Variants in TIGAR observed in about 807,000 individuals in gnomAD.
TIGAR encodes TP53 induced glycolysis regulatory phosphatase, also known as fructose-2,6-bisphosphatase TIGAR.
Under a neutral mutation model 17.9 loss-of-function variants are expected in TIGAR, and 7 were observed. The observed-to-expected ratio is 0.39, with a 90% CI of 0.22 to 0.73. The LOEUF (loss-of-function observed/expected upper bound fraction) is 0.73. TIGAR is among the 30% of genes least tolerant of loss of function. The pLI, the probability that TIGAR is intolerant of heterozygous loss-of-function variation, is 0.42. For synonymous variants in TIGAR, 94 were observed against 108.6 expected (o/e 0.87, Z 0.84); for missense variants, 258 against 327.4 (o/e 0.79, Z 1.64).
At chr12:4,337,234 T>C (rs1864669987) in intron 3 of TIGAR, 74 bp downstream of exon 3, 1 of 1,116,620 alleles carries the variant, frequency 9.0e-7, no homozygotes, top group Non-Finnish European at 1.3e-6. Flanking sequence ...TGGTGCAGTC[T>C]CTGTTCACTG....
intron 1 of TIGAR, among the ~76,000 whole-genome samples, chr12:4,322,421 C>G (rs180834958): frequency 6.6e-6 from 1 of 152,098 alleles, no homozygotes; most frequent in Non-Finnish European, 1.5e-5. Context: ...TACTTTAATG[C>G]GAGAATTAAA....
At chr12:4,327,859 G>A (rs1864563485) in intron 1 of TIGAR, among the ~76,000 whole-genome samples, 1 of 151,994 alleles carries the variant, frequency 6.6e-6, no homozygotes, top group Non-Finnish European at 1.5e-5. Context: ...GTAGAGACGG[G>A]GTTTCACCAT....
At position 4,357,524 on chromosome 12, in the gene TIGAR, C is replaced by T. The variant is rs150458428; in HGVS notation, c.*4833C>T. 1.3e-5 allele frequency among the ~76,000 whole-genome samples: 2 copies of T among 152,124 alleles called. No homozygotes were observed. Among genetic ancestry groups the T allele is most frequent in the Non-Finnish European group, 2.9e-5 (2 of 68,016 alleles). On this transcript the variant is annotated 3_prime_UTR_variant, in exon 6 of 6. Transcript: ENST00000179259. ...TGCTTTTTACCCCTCTTTCTTTGGG[C>T]CCCATCAATTTGGAAGTACAGCTTT... is the stretch of plus-strand genomic sequence containing the variant.
At chr12:4,341,271 A>C (rs1864716802) in intron 3 of TIGAR, among the ~76,000 whole-genome samples, 1 of 79,612 alleles carries the variant, frequency 1.3e-5, no homozygotes. Context: ...ACAAATGACA[A>C]AGAGAGGGGG....
At chr12:4,323,102 C>CA (rs574120048) in intron 1 of TIGAR, among the ~76,000 whole-genome samples, 2,405 of 90,890 alleles carry the variant, frequency 0.026, 54 homozygotes, top group African/African-American at 0.07. Flanking sequence ...CTCCTCTCTA[C>CA]AAAAAAAAAA....
intron 1 of TIGAR, chr12:4,324,528 C>G: frequency 6.2e-7 from 1 of 1,609,562 alleles, no homozygotes; most frequent in Non-Finnish European, 8.5e-7. Context: ...TGTAGACGCC[C>G]ACCATGCTGC....
At chr12:4,335,686 CAGTCTG>C (rs1352733803) in intron 2 of TIGAR, 1 of 152,270 alleles carries the variant, frequency 6.6e-6, no homozygotes, top group Non-Finnish European at 1.5e-5. Context: ...ACAAGTCACC[CAGTCTG>C]TAGTACTTTG....
intron 1 of TIGAR, among the ~76,000 whole-genome samples, chr12:4,323,790 A>T (rs1864506992): frequency 6.6e-6 from 1 of 152,222 alleles, no homozygotes; most frequent in African/African-American, 2.4e-5. Context: ...TTTTATGTGT[A>T]GGAAGATGGA....
rs1395716313 is a variant in TIGAR at position 4,356,016 on chromosome 12, G to A, written c.*3325G>A. Among the ~76,000 whole-genome samples the A allele has an allele frequency of 1.3e-5, 2 of 152,200 alleles. No homozygotes were observed. Among genetic ancestry groups the A allele is most frequent in the Non-Finnish European group, 2.9e-5 (2 of 68,034 alleles). On this transcript the variant is annotated 3_prime_UTR_variant, in exon 6 of 6. Transcript: ENST00000179259. ...GCCTGGTGGCCTGTGCTGAGGCCTT[G>A]GGCTTTTACTCAAGTGAGATGAGAT...
chr12:4,345,076 G>GAA (rs1432835470), intron 3 of TIGAR, among the ~76,000 whole-genome samples: 1 of 152,110 alleles, frequency 6.6e-6, no homozygotes, highest in Non-Finnish European at 1.5e-5. Flanking sequence ...TCTTCAAGGA[G>GAA]CACTATAAAC....
At chr12:4,337,514 G>A (rs567142643) in intron 3 of TIGAR, among the ~76,000 whole-genome samples, 4 of 152,276 alleles carry the variant, frequency 2.6e-5, no homozygotes, top group South Asian at 4.1e-4. Flanking sequence ...CTCAACAATT[G>A]TATAATCTTG....
chr12:4,347,773 G>T lies in TIGAR; in HGVS notation c.193-2046G>T, dbSNP rs1233751440. Among the ~76,000 whole-genome samples the T allele has an allele frequency of 3.3e-5, 5 of 152,026 alleles. No individual in the cohort carries two copies. In the East Asian group the frequency reaches 9.6e-4, roughly 29 times the overall value. On this transcript the variant is annotated intron_variant, in intron 3 of 5. Coordinates refer to ENST00000179259, the MANE Select transcript of TIGAR (RefSeq NM_020375.3). ...AAGTACTGAAGTATAGATCACACAC[G>T]GCTGAAGTGATCATTATAGATAAAT...
In TIGAR at chr12:4,331,225, C is replaced by A. The variant is rs1864600350; in HGVS notation, c.33-55C>A. 7.3e-6 allele frequency: 11 copies of A among 1,498,956 alleles called. No individual in the cohort carries two copies. The South Asian group carries it at 1.0e-4, about 14-fold the overall frequency. 92.9% of individuals were successfully genotyped at this position (1,498,956 alleles called of 1,614,324 possible). On this transcript the variant is annotated intron_variant, in intron 1 of 5. Coordinates refer to ENST00000179259, the MANE Select transcript of TIGAR (RefSeq NM_020375.3). ...CACTTGATTGCTCATTTTTTTCCTC[C>A]TCTCAAAAACAGTATAATTTGGCTA... is the stretch of plus-strand genomic sequence containing the variant.
intron 2 of TIGAR, 148 bp from the exon 3 acceptor site, chr12:4,336,891 A>G (rs569054643): frequency 6.7e-6 from 6 of 902,128 alleles, no homozygotes; most frequent in African/African-American, 3.4e-5. Context: ...TTACTTGCTA[A>G]TAACTCCCTG....
intron 3 of TIGAR, among the ~76,000 whole-genome samples, chr12:4,346,103 A>G (rs1488817330): frequency 6.6e-6 from 1 of 152,206 alleles, no homozygotes; most frequent in Admixed American, 6.5e-5. Flanking sequence ...AAGTCAGGAA[A>G]CAACAGGTGC....
intron 3 of TIGAR, among the ~76,000 whole-genome samples, chr12:4,344,792 AG>A (rs1235980717): frequency 6.6e-6 from 1 of 152,216 alleles, no homozygotes; most frequent in Non-Finnish European, 1.5e-5. Flanking sequence ...AAAGAAATAA[AG>A]GGTATTCAAT....
intron 3 of TIGAR, among the ~76,000 whole-genome samples, chr12:4,342,515 C>A (rs992424550): frequency 1.3e-5 from 2 of 152,154 alleles, no homozygotes; most frequent in Non-Finnish European, 2.9e-5. Context: ...AAAGGGAACC[C>A]CATCAGACTA....
chr12:4,351,325 C>T lies in TIGAR; in HGVS notation c.329C>T (p.Ala110Val). ...LSELRAMAKA[A>V]REECPVFTPP... Reference sequence around the variant, plus strand: ...GAGCTGAGGGCCATGGCCAAAGCAGCCAGGGAAGAGTGCCCTGTGTTTACA... The same window carrying T: ...GAGCTGAGGGCCATGGCCAAAGCAGTCAGGGAAGAGTGCCCTGTGTTTACA... Residue 110 changes from alanine to valine, a missense_variant, in exon 5 of 6, where the codon GCC (alanine) becomes GTC (valine). Physicochemically the swap from Ala to Val is moderately conservative, Grantham distance 64 (BLOSUM62 0). Transcript: ENST00000179259. The T allele has an allele frequency of 1.2e-6, 2 of 1,614,130 alleles. No individual in the cohort carries two copies. Among genetic ancestry groups the T allele is most frequent in the Non-Finnish European group, 1.7e-6 (2 of 1,180,010 alleles).
chr12:4,350,769 T>G (rs542873978), intron 4 of TIGAR, among the ~76,000 whole-genome samples: 32 of 147,842 alleles, frequency 2.2e-4, no homozygotes, highest in African/African-American at 7.8e-4. Flanking sequence ...AGAGCGAGAT[T>G]CCGTCTCAAA....
Sources: allele counts gnomAD v4.1 joint callset (sites outside exome capture counted in the v4.1 genomes callset), GRCh38; gene constraint gnomAD v4.1.1; transcripts MANE v1.5; gene names NCBI Gene and HGNC (gene_info 2026-07-23, HGNC 2026-07-21).